The following GLRA2 variants were observed in gnomAD, a reference collection of about 807,000 sequenced individuals.
GLRA2 encodes glycine receptor subunit alpha-2.
A neutral mutation model predicts 31.6 loss-of-function variants in GLRA2; 11 were observed. The ratio of observed to expected loss-of-function variants is 0.35; its 90% CI spans 0.22 to 0.58. The LOEUF (loss-of-function observed/expected upper bound fraction) is 0.58. GLRA2 is among the 20% of genes least tolerant of loss of function. The probability of loss-of-function intolerance (pLI) is 0.84; values close to 1 mark genes in which losing one functional copy is unlikely to be tolerated. For missense variants in GLRA2, 212 were observed against 351.8 expected, an observed-to-expected ratio of 0.60 and a Z score of 3.18; for synonymous variants, 132 against 134.0, an observed-to-expected ratio of 0.99 and a Z score of 0.10.
chrX:14,508,506 A>G, the GLRA2 span, among the ~76,000 whole-genome samples: 18 of 112,075 alleles, frequency 1.6e-4, no homozygotes, highest in South Asian at 7.5e-4. Context: ...TTCCTGCAGC[A>G]CACAGTCCTT....
At chrX:14,548,136 A>G (rs1412444384) in intron 2 of GLRA2, among the ~76,000 whole-genome samples, 1 of 111,799 alleles carries the variant, frequency 8.9e-6, no homozygotes, top group Non-Finnish European at 1.9e-5. Flanking sequence ...ATTTTCTTGA[A>G]TAGAAAACAG....
intron 7 of GLRA2, among the ~76,000 whole-genome samples, chrX:14,671,587 T>C (rs761734349): frequency 2.3e-4 from 26 of 111,683 alleles, no homozygotes; most frequent in Admixed American, 1.4e-3. Context: ...CATCCTTCCA[T>C]GGTTGAGGAC....
intron 2 of GLRA2, among the ~76,000 whole-genome samples, chrX:14,541,096 C>T (rs185475554): frequency 8.1e-4 from 90 of 111,677 alleles, no homozygotes; most frequent in Middle Eastern, 4.6e-3. Context: ...TGTGCTTGTC[C>T]CTACAGTAAT....
the GLRA2 span, among the ~76,000 whole-genome samples, chrX:14,518,848 A>G: frequency 4.4e-5 from 4 of 91,677 alleles, no homozygotes; most frequent in South Asian, 4.9e-4. Context: ...GTCTCTACTG[A>G]AAAAAAAAAA....
the GLRA2 span, among the ~76,000 whole-genome samples, chrX:14,512,517 A>G: frequency 1.8e-5 from 2 of 111,246 alleles, no homozygotes; most frequent in East Asian, 5.6e-4. Flanking sequence ...TATACCTAGA[A>G]AACCCTGAAG....
At chrX:14,499,268 A>G in the GLRA2 span, among the ~76,000 whole-genome samples, 4 of 111,865 alleles carry the variant, frequency 3.6e-5, no homozygotes, top group Admixed American at 1.9e-4. Context: ...TCTCACCAGC[A>G]TCTGTTATTT....
At chrX:14,568,075 C>A (rs772634977) in intron 2 of GLRA2, among the ~76,000 whole-genome samples, 2 of 111,703 alleles carry the variant, frequency 1.8e-5, no homozygotes, top group African/African-American at 6.5e-5. Context: ...AGATTCAATG[C>A]AATCCCTATC....
rs766050790 is a variant in GLRA2, at chrX:14,566,568, TAA to T, written c.203-7764_203-7763del. On this transcript the variant is annotated intron_variant, in intron 2 of 8. Transcript: ENST00000218075. The stretch of plus-strand genomic sequence containing the variant: ...GTTGTCTTGGCATCCATTTTATATG[TAA>T]GTTTAACTCTCTCATGCCAGAAACA... Among the ~76,000 whole-genome samples the T allele has an allele frequency of 8.9e-4, 99 of 111,775 alleles. 1 individual carries two copies. The highest frequency in any genetic ancestry group is 3.0e-3 in the African/African-American group (92 of 30,788).
intron 2 of GLRA2, among the ~76,000 whole-genome samples, chrX:14,552,814 A>G (rs1000465396): frequency 3.6e-5 from 4 of 112,006 alleles, no homozygotes; most frequent in Admixed American, 1.9e-4. Context: ...TGTGTCTGGT[A>G]CAACACACAA....
chrX:14,686,341 A>C (rs1434059019), intron 7 of GLRA2, among the ~76,000 whole-genome samples: 1 of 111,734 alleles, frequency 8.9e-6, no homozygotes, highest in Non-Finnish European at 1.9e-5. Flanking sequence ...TGCTTGGTGC[A>C]GAGCTGAGTT....
At chrX:14,462,750 T>C in the GLRA2 span, among the ~76,000 whole-genome samples, 1 of 111,803 alleles carries the variant, frequency 8.9e-6, no homozygotes, top group African/African-American at 3.3e-5. Context: ...TCATTTAACC[T>C]TTTTTCAAGG....
intron 2 of GLRA2, among the ~76,000 whole-genome samples, chrX:14,545,695 G>C (rs1174457307): frequency 9.0e-6 from 1 of 111,650 alleles, no homozygotes; most frequent in African/African-American, 3.3e-5. Flanking sequence ...CTGAGTGCCT[G>C]ACTTAGATCC....
chrX:14,501,388 G>A, the GLRA2 span, among the ~76,000 whole-genome samples: 7 of 111,690 alleles, frequency 6.3e-5, no homozygotes, highest in East Asian at 2.8e-4. Flanking sequence ...TTTGTGCTTC[G>A]CTTTTTAAAC....
At chrX:14,707,113 C>G (rs1488984609) in intron 8 of GLRA2, among the ~76,000 whole-genome samples, 6 of 112,035 alleles carry the variant, frequency 5.4e-5, no homozygotes, top group Admixed American at 9.4e-5. Context: ...CATTACAGCA[C>G]CATTTCCTGG....
chrX:14,648,278 C>T (rs1180544756), intron 7 of GLRA2, among the ~76,000 whole-genome samples: 3 of 111,549 alleles, frequency 2.7e-5, no homozygotes, highest in Non-Finnish European at 5.6e-5. Context: ...TAAATAATCA[C>T]GTACTCTAAG....
At chrX:14,459,810 T>A in the GLRA2 span, among the ~76,000 whole-genome samples, 7 of 112,062 alleles carry the variant, frequency 6.2e-5, no homozygotes, top group Admixed American at 2.8e-4. Flanking sequence ...AATCATGTCA[T>A]CTGCAAACAG....
intron 8 of GLRA2, among the ~76,000 whole-genome samples, chrX:14,703,090 A>G (rs2091569705): frequency 8.9e-6 from 1 of 111,966 alleles, no homozygotes; most frequent in Non-Finnish European, 1.9e-5. Context: ...CAAAGCAGTC[A>G]GGGTCTAGAT....
Position 14,652,177 on chromosome X carries a change from C to T in GLRA2, c.931-38533C>T, listed in dbSNP as rs184937218. 3.6e-5 allele frequency among the ~76,000 whole-genome samples: 4 copies of T among 111,792 alleles called. No homozygotes were observed. The East Asian group carries it at 1.1e-3, about 32-fold the overall frequency. ...AGCTATGGTGTTTAATTATGGCAGT[C>T]AGAGCTGACAAAGGCACTAACTTAG... On this transcript the variant is annotated intron_variant, in intron 7 of 8. Coordinates refer to ENST00000218075, the MANE Select transcript of GLRA2 (RefSeq NM_002063.4).
chrX:14,484,882 C>T, the GLRA2 span, among the ~76,000 whole-genome samples: 266 of 111,939 alleles, frequency 2.4e-3, no homozygotes, highest in Non-Finnish European at 2.4e-3. Flanking sequence ...ATGTTCATTT[C>T]GGTAAATACC....
Sources: gnomAD v4.1 joint callset for allele counts (sites outside exome capture counted in the v4.1 genomes callset) on GRCh38, gnomAD v4.1.1 for gene constraint, MANE v1.5 for transcripts, NCBI Gene and HGNC (gene_info 2026-07-23, HGNC 2026-07-21) for gene names.